RIMS1: variants seen among roughly 807,000 people sequenced by gnomAD.
RIMS1 encodes regulating synaptic membrane exocytosis protein 1.
RIMS1 carries 83 observed loss-of-function variants against 214.1 expected under a neutral mutation model. That is an observed-to-expected ratio of 0.39 (90% CI 0.32 to 0.47). The LOEUF (loss-of-function observed/expected upper bound fraction) is 0.47, where lower values mean the gene tolerates loss of function less well. Ranked by LOEUF, RIMS1 falls within the 20% of genes least tolerant of loss-of-function variation. RIMS1 has a pLI of 0.99. For synonymous variants in RIMS1, 793 were observed against 786.8 expected, an observed-to-expected ratio of 1.01 and a Z score of -0.13; for missense variants, 2,050 against 2,161.8, an observed-to-expected ratio of 0.95 and a Z score of 1.03.
At chr6:72,309,353 T>C (rs1407835927) in intron 27 of RIMS1, among the ~76,000 whole-genome samples, 1 of 152,126 alleles carries the variant, frequency 6.6e-6, no homozygotes. Context: ...AGCTCACTTA[T>C]TTACCAAATT....
chr6:72,089,682 T>G (rs546618411), intron 2 of RIMS1, among the ~76,000 whole-genome samples: 5 of 151,446 alleles, frequency 3.3e-5, no homozygotes, highest in Admixed American at 2.6e-4. Context: ...TATACCCAAA[T>G]GACTATAAAT....
chr6:72,055,992 G>C (rs1010602979), intron 2 of RIMS1, among the ~76,000 whole-genome samples: 5 of 151,922 alleles, frequency 3.3e-5, no homozygotes, highest in African/African-American at 9.7e-5. Context: ...ATTCACGATA[G>C]CAAAGATATG....
chr6:72,077,039 C>T (rs1303538367), intron 2 of RIMS1, among the ~76,000 whole-genome samples: 1 of 152,216 alleles, frequency 6.6e-6, no homozygotes, highest in East Asian at 1.9e-4. Flanking sequence ...CCCCACTCCA[C>T]TCTGCCTCGT....
At chr6:71,951,542 G>A (rs1228780802) in intron 1 of RIMS1, among the ~76,000 whole-genome samples, 1 of 147,900 alleles carries the variant, frequency 6.8e-6, no homozygotes, top group Non-Finnish European at 1.5e-5. Context: ...CCAGGCAGGA[G>A]TGCAGTGATG....
At chr6:71,993,234 CTG>C (rs1802424608) in intron 2 of RIMS1, among the ~76,000 whole-genome samples, 1 of 152,188 alleles carries the variant, frequency 6.6e-6, no homozygotes, top group South Asian at 2.1e-4. Flanking sequence ...GAAAAGAAGA[CTG>C]TTTTGTCTAC....
At chr6:72,311,907 G>T (rs2095531630) in intron 27 of RIMS1, among the ~76,000 whole-genome samples, 2 of 152,100 alleles carry the variant, frequency 1.3e-5, no homozygotes, top group South Asian at 2.1e-4. Context: ...GGAGGCTAAG[G>T]TTGGAGTGAG....
chr6:72,392,770 C>A lies in RIMS1; in HGVS notation c.4578C>A (p.Ala1526=), dbSNP rs2098720172. Reference sequence around the variant, plus strand: ...ATTTTCTTGATGGATTGGGACCAGCCCAGCTTGTTGGCCGCCAAACCCTTG... The same window carrying A: ...ATTTTCTTGATGGATTGGGACCAGCACAGCTTGTTGGCCGCCAAACCCTTG... The part of the protein sequence containing the change: ...FSDFLDGLGP[A]QLVGRQTLAT... Residue 1526 remains alanine, a synonymous_variant, in exon 31 of 34, where the codon GCC becomes GCA. Transcript: ENST00000521978. 6.2e-7 allele frequency: 1 copy of A among 1,613,492 alleles called. No individual in the cohort carries two copies. Among genetic ancestry groups the A allele is most frequent in the African/African-American group, 1.3e-5 (1 of 74,850 alleles).
intron 23 of RIMS1, among the ~76,000 whole-genome samples, chr6:72,279,954 A>G (rs2089232402): frequency 6.6e-6 from 1 of 151,978 alleles, no homozygotes; most frequent in African/African-American, 2.4e-5. Context: ...ATAATGACTG[A>G]CAGTTCATTA....
At chr6:72,158,270 A>G (rs1472226167) in intron 4 of RIMS1, among the ~76,000 whole-genome samples, 1 of 140,884 alleles carries the variant, frequency 7.1e-6, no homozygotes, top group Non-Finnish European at 1.6e-5. Flanking sequence ...ACAGAATTCC[A>G]TTTGACATTT....
intron 2 of RIMS1, among the ~76,000 whole-genome samples, chr6:72,090,435 T>C (rs1835906676): frequency 6.6e-6 from 1 of 152,140 alleles, no homozygotes; most frequent in South Asian, 2.1e-4. Flanking sequence ...ATTTAACCTT[T>C]TTGTCTAAAA....
Position 72,248,078 on chromosome 6 carries a change from G to C in RIMS1, c.2192G>C (p.Ser731Thr). 1 of 1,613,106 alleles carries C rather than the reference G, an allele frequency of 6.2e-7. No individual in the cohort carries two copies. Among genetic ancestry groups the C allele is most frequent in the Non-Finnish European group, 8.5e-7 (1 of 1,179,464 alleles). The change falls in exon 12 of 34, where the codon AGT becomes ACT. Residue 731 changes from serine (S) to threonine (T), a missense_variant. This residue lies in a region of RIMS1 where 111 missense variants were observed against 166.2 expected (regional missense o/e 0.67). Coordinates refer to ENST00000521978, the MANE Select transcript of RIMS1 (RefSeq NM_014989.7). ...RPSISVISPT[S>T]PGALKDAPQV... ...TCCATTTCTGTTATTTCTCCAACAA[G>C]TCCTGGAGCTCTAAAAGATGCCCCA...
chr6:72,206,432 A>G (rs983659679), intron 6 of RIMS1, among the ~76,000 whole-genome samples: 4 of 152,210 alleles, frequency 2.6e-5, no homozygotes, highest in South Asian at 2.1e-4. Flanking sequence ...TTGTGTTTCA[A>G]TATTCACATA....
At chr6:72,004,379 A>G (rs1357135396) in intron 2 of RIMS1, among the ~76,000 whole-genome samples, 1 of 152,142 alleles carries the variant, frequency 6.6e-6, no homozygotes, top group Non-Finnish European at 1.5e-5. Flanking sequence ...CTTTGGGTAT[A>G]TACCCAGTAA....
intron 26 of RIMS1, among the ~76,000 whole-genome samples, chr6:72,296,135 T>C (rs2094056779): frequency 6.6e-6 from 1 of 151,892 alleles, no homozygotes; most frequent in Admixed American, 6.6e-5. Context: ...ATATTCTATG[T>C]TCACATCAAA....
intron 4 of RIMS1, among the ~76,000 whole-genome samples, chr6:72,100,295 A>G (rs939250574): frequency 6.6e-6 from 1 of 152,080 alleles, no homozygotes; most frequent in Non-Finnish European, 1.5e-5. Flanking sequence ...TTTCAGAAAC[A>G]ATAAATTCTA....
Position 72,017,030 on chromosome 6 carries a change from C to A in RIMS1, c.245+47967C>A, listed in dbSNP as rs568541546. Among the ~76,000 whole-genome samples the A allele has an allele frequency of 9.2e-5, 14 of 152,258 alleles. No homozygotes were observed. The South Asian group carries it at 2.9e-3, about 32-fold the overall frequency. On this transcript the variant is annotated intron_variant, in intron 2 of 33. Transcript: ENST00000521978. ...ATTAGCTGAGTTCAGTCCATTAAAT[C>A]TTTAAAAGATTGCCTCTTGAGAAAA... is the stretch of plus-strand genomic sequence containing the variant.
chr6:72,310,737 C>T (rs966469018), intron 27 of RIMS1, among the ~76,000 whole-genome samples: 1 of 151,978 alleles, frequency 6.6e-6, no homozygotes, highest in African/African-American at 2.4e-5. Flanking sequence ...TAAATTGTTA[C>T]ATTCAAAATT....
intron 28 of RIMS1, among the ~76,000 whole-genome samples, chr6:72,332,226 G>T (rs899523988): frequency 5.3e-5 from 8 of 151,708 alleles, no homozygotes; most frequent in African/African-American, 1.9e-4. Flanking sequence ...AGAAAATGAA[G>T]AAGATCAAAA....
chr6:72,137,251 A>G (rs946872741), intron 4 of RIMS1, among the ~76,000 whole-genome samples: 6 of 152,260 alleles, frequency 3.9e-5, no homozygotes, highest in Non-Finnish European at 7.4e-5. Flanking sequence ...GCATTTTATA[A>G]GAATAAATTC....
Sources: allele counts gnomAD v4.1 joint callset (sites outside exome capture counted in the v4.1 genomes callset), GRCh38; gene constraint gnomAD v4.1.1; regional missense constraint gnomAD v4.1.1; transcripts MANE v1.5; gene names NCBI Gene and HGNC (gene_info 2026-07-23, HGNC 2026-07-21).